The following LYRM4 variants were observed in gnomAD, a reference collection of about 807,000 sequenced individuals.
LYRM4 encodes LYR motif-containing protein 4.
LYRM4 carries 9 observed loss-of-function variants against 11.7 expected under a neutral mutation model. The ratio of observed to expected loss-of-function variants is 0.77; its 90% CI spans 0.46 to 1.34. The LOEUF (loss-of-function observed/expected upper bound fraction) is 1.34, where lower values mean the gene tolerates loss of function less well. Ranked by LOEUF, LYRM4 falls within the 40% of genes most tolerant of loss-of-function variation. LYRM4 has a pLI of 0.00. For synonymous variants in LYRM4, 42 were observed against 40.4 expected, an observed-to-expected ratio of 1.04 and a Z score of -0.15; for missense variants, 133 against 112.5, an observed-to-expected ratio of 1.18 and a Z score of -0.82.
chr6:5,168,549 C>T (rs1385583455), intron 2 of LYRM4, among the ~76,000 whole-genome samples: 1 of 152,052 alleles, frequency 6.6e-6, no homozygotes, highest in African/African-American at 2.4e-5. Flanking sequence ...TCACGAAAGA[C>T]AAAAACAGGA....
intron 1 of LYRM4, among the ~76,000 whole-genome samples, chr6:5,247,221 A>T (rs1352497877): frequency 6.6e-6 from 1 of 152,156 alleles, no homozygotes; most frequent in Non-Finnish European, 1.5e-5. Flanking sequence ...TCACTATGTT[A>T]ATGTCCCCCC....
the LYRM4 span, among the ~76,000 whole-genome samples, chr6:5,040,341 A>ATAGATAGG: frequency 4.2e-5 from 6 of 142,962 alleles, no homozygotes; most frequent in Non-Finnish European, 9.2e-5. Context: ...AGATAGATAG[A>ATAGATAGG]TAGATAGATA....
rs928772775 is a variant in LYRM4 at position 5,108,566 on chromosome 6, CAG to C, written c.*855_*856del. 13 of 362,710 alleles carry C rather than the reference CAG, an allele frequency of 3.6e-5. No homozygotes were observed. Among genetic ancestry groups the C allele is most frequent in the Admixed American group, 3.2e-4 (5 of 15,482 alleles). 22.5% of individuals were successfully genotyped at this position (362,710 alleles called of 1,614,324 possible). A position where few individuals can be genotyped will look rare whatever the true frequency, so the allele number is the denominator to read the frequency against. ...CCCTCACTTACTGAGTCAGAATCTG[CAG>C]AGAGGGAAGTGCTGAGAGATGTCTT... On this transcript the variant is annotated 3_prime_UTR_variant, in exon 3 of 3. Transcript: ENST00000330636.
chr6:5,158,430 G>A (rs1400442241), intron 2 of LYRM4, among the ~76,000 whole-genome samples: 3 of 150,550 alleles, frequency 2.0e-5, no homozygotes, highest in African/African-American at 7.3e-5. Context: ...GGCTATGGCA[G>A]GTTTATTTCT....
the LYRM4 span, among the ~76,000 whole-genome samples, chr6:5,061,654 C>T: frequency 0.28 from 42,071 of 152,054 alleles, 6,130 homozygotes; most frequent in Middle Eastern, 0.36. Flanking sequence ...ACCTGAAAAA[C>T]GAACACAAAA....
At chr6:5,113,418 C>G (rs1179055628) in intron 2 of LYRM4, 1 of 384,594 alleles carries the variant, frequency 2.6e-6, no homozygotes, top group Non-Finnish European at 5.2e-6. Flanking sequence ...ATTCCGTTAT[C>G]TAAAAGAAAA....
rs767072087 is a variant in LYRM4 at position 5,136,554 on chromosome 6, G to A, written c.208-27063C>T. On this transcript the variant is annotated intron_variant, in intron 2 of 2. Coordinates refer to ENST00000330636, the MANE Select transcript of LYRM4 (RefSeq NM_020408.6). ...GATAATGTCAATTTTACATAAGTTA[G>A]ATGGTATTTATAATGTCTTACTACA... 4.5e-4 allele frequency: 434 copies of A among 965,432 alleles called. 1 individual carries two copies. Among genetic ancestry groups the A allele is most frequent in the Admixed American group, 2.8e-3 (45 of 16,244 alleles). The allele number at this position is 965,432 out of a possible 1,614,324, so 59.8% of individuals were successfully genotyped here.
At chr6:5,165,612 G>A (rs886378814) in intron 2 of LYRM4, among the ~76,000 whole-genome samples, 19 of 150,868 alleles carry the variant, frequency 1.3e-4, no homozygotes, top group African/African-American at 4.1e-4. Context: ...GCGCGATCTC[G>A]GCTCACTGCA....
chr6:5,181,561 CTCT>C (rs896884631), intron 2 of LYRM4, among the ~76,000 whole-genome samples: 2 of 152,216 alleles, frequency 1.3e-5, no homozygotes, highest in African/African-American at 4.8e-5. Flanking sequence ...TCCTCTCCTC[CTCT>C]TCACCACCAC....
At chr6:5,115,925 A>G (rs985615332) in intron 2 of LYRM4, among the ~76,000 whole-genome samples, 1 of 152,162 alleles carries the variant, frequency 6.6e-6, no homozygotes, top group Non-Finnish European at 1.5e-5. Flanking sequence ...TGAAATGGTA[A>G]GTGGGCCTGC....
rs1435912302 is a variant in LYRM4 at position 5,228,872 on chromosome 6, C to T, written c.87-12134G>A. Among the ~76,000 whole-genome samples the T allele has an allele frequency of 3.3e-5, 5 of 151,070 alleles. No homozygotes were observed. The East Asian group carries it at 5.9e-4, about 18-fold the overall frequency. On this transcript the variant is annotated intron_variant, in intron 1 of 2. Transcript: ENST00000330636. ...AAAAAAAATTAGCCGGGCGTGGTGG[C>T]GGGCACCTGTAGTCCCAGCTACTCG...
the LYRM4 span, among the ~76,000 whole-genome samples, chr6:5,052,323 T>C: frequency 6.6e-6 from 1 of 152,220 alleles, no homozygotes; most frequent in Non-Finnish European, 1.5e-5. Context: ...ATATTTCAGG[T>C]GACACAATGC....
chr6:5,134,926 A>AGGGTGCGGATCGCTCCCGGGG (rs1756996030), intron 2 of LYRM4, among the ~76,000 whole-genome samples: 1 of 102,716 alleles, frequency 9.7e-6, no homozygotes, highest in African/African-American at 3.8e-5. Flanking sequence ...CACTCCTGGG[A>AGGGTGCGGATCGCTCCCGGGG]CTGTGGAGGG....
chr6:5,207,950 C>T (rs1386103823), intron 2 of LYRM4, among the ~76,000 whole-genome samples: 3 of 152,118 alleles, frequency 2.0e-5, no homozygotes, highest in Non-Finnish European at 4.4e-5. Flanking sequence ...AAGATAAGGC[C>T]ACCCATAATC....
At chr6:5,166,483 G>A (rs1401194038) in intron 2 of LYRM4, among the ~76,000 whole-genome samples, 1 of 152,156 alleles carries the variant, frequency 6.6e-6, no homozygotes, top group African/African-American at 2.4e-5. Flanking sequence ...TTGGGGGCAG[G>A]GTAGAAAGAG....
chr6:5,080,385 C>T, the LYRM4 span, among the ~76,000 whole-genome samples: 38 of 152,378 alleles, frequency 2.5e-4, no homozygotes, highest in East Asian at 6.4e-3. Context: ...TGACCCTTGT[C>T]ATTGGTCATA....
chr6:5,169,771 T>C (rs779922517), intron 2 of LYRM4, among the ~76,000 whole-genome samples: 9 of 152,232 alleles, frequency 5.9e-5, no homozygotes, highest in African/African-American at 1.2e-4. Context: ...CACTATTTTG[T>C]AAGATCCACA....
At chr6:5,177,077 G>A (rs544409397) in intron 2 of LYRM4, among the ~76,000 whole-genome samples, 2 of 152,320 alleles carry the variant, frequency 1.3e-5, no homozygotes, top group Admixed American at 6.5e-5. Context: ...ATGCCAATAG[G>A]AAGGGAAAAT....
At chr6:5,204,601 A>C (rs1581500984) in intron 2 of LYRM4, among the ~76,000 whole-genome samples, 2 of 152,120 alleles carry the variant, frequency 1.3e-5, no homozygotes, top group East Asian at 3.9e-4. Context: ...CAAGGAAGGA[A>C]CCACTTGCCT....
Sources: gnomAD v4.1 joint callset for allele counts (sites outside exome capture counted in the v4.1 genomes callset) on GRCh38, gnomAD v4.1.1 for gene constraint, MANE v1.5 for transcripts, NCBI Gene and HGNC (gene_info 2026-07-23, HGNC 2026-07-21) for gene names.